KIF20B: variants seen among roughly 807,000 people sequenced by gnomAD.
KIF20B encodes the protein kinesin family member 20B.
A neutral mutation model predicts 232.5 loss-of-function variants in KIF20B; 188 were observed. The ratio of observed to expected loss-of-function variants is 0.81; its 90% CI spans 0.72 to 0.91. The LOEUF is 0.91. KIF20B is among the 40% of genes least tolerant of loss of function. The probability of loss-of-function intolerance (pLI) is 0.00; values close to 1 mark genes in which losing one functional copy is unlikely to be tolerated. For missense variants in KIF20B, 2,154 were observed against 2,055.9 expected (o/e 1.05, Z -0.92); for synonymous variants, 712 against 683.0 (o/e 1.04, Z -0.66).
intron 14 of KIF20B, 25 bp from the exon 15 acceptor site, chr10:89,724,995 A>C (rs756197639): frequency 6.2e-7 from 1 of 1,604,010 alleles, no homozygotes; most frequent in South Asian, 1.1e-5. Flanking sequence ...TCTGTTTCTT[A>C]ATGGGATTAA....
Position 89,725,047 on chromosome 10 carries a change from A to T in KIF20B, c.1890A>T (p.Ile630=). ...FKETLLQERE[I]LEENAERRLA... The stretch of plus-strand genomic sequence containing the variant: ...AGACTCTGCTTCAAGAACGAGAGAT[A>T]TTAGAAGAAAATGCTGAACGTCGTT... Residue 630 remains isoleucine (I), a synonymous_variant, in exon 15 of 33, where the codon ATA becomes ATT. Coordinates refer to ENST00000371728, the MANE Select transcript of KIF20B (RefSeq NM_001284259.2). 6.2e-7 allele frequency: 1 copy of T among 1,613,808 alleles called. No homozygotes were observed. The highest frequency in any genetic ancestry group is 1.7e-4 in the Middle Eastern group (1 of 6,060).
intron 24 of KIF20B, 87 bp downstream of exon 24, chr10:89,751,558 C>A: frequency 2.4e-6 from 3 of 1,258,544 alleles, no homozygotes; most frequent in Non-Finnish European, 3.3e-6. Flanking sequence ...TAAAGTAGTA[C>A]GTATTTTCAG....
At chr10:89,735,436 A>T (rs188610975) in intron 19 of KIF20B, among the ~76,000 whole-genome samples, 48 of 152,114 alleles carry the variant, frequency 3.2e-4, no homozygotes, top group Non-Finnish European at 5.9e-4. Context: ...AAATATAAAG[A>T]GCTGAGATGC....
At chr10:89,713,891 A>G (rs554244306) in intron 6 of KIF20B, among the ~76,000 whole-genome samples, 156 bp from the exon 7 acceptor site, 47 of 144,418 alleles carry the variant, frequency 3.3e-4, no homozygotes, top group Non-Finnish European at 5.8e-4. Flanking sequence ...CCATGAAACT[A>G]TATTATTTAA....
chr10:89,760,296 A>G (rs1401466692), intron 27 of KIF20B, among the ~76,000 whole-genome samples: 1 of 152,148 alleles, frequency 6.6e-6, no homozygotes, highest in Non-Finnish European at 1.5e-5. Flanking sequence ...CAGTCTTTCA[A>G]ATTTCTCCTT....
intron 29 of KIF20B, chr10:89,766,308 A>G: frequency 6.5e-6 from 1 of 153,036 alleles, no homozygotes; most frequent in Non-Finnish European, 1.5e-5. Flanking sequence ...CCTCACCAGC[A>G]ATGGAACAAA....
chr10:89,738,687 A>T (rs1841725489), intron 20 of KIF20B, 70 bp downstream of exon 20: 1 of 1,459,406 alleles, frequency 6.9e-7, no homozygotes, highest in Non-Finnish European at 9.0e-7. Context: ...GCTTTAAAAA[A>T]GTTAGATAGT....
chr10:89,721,607 C>A (rs1843059072), intron 13 of KIF20B, among the ~76,000 whole-genome samples: 1 of 151,986 alleles, frequency 6.6e-6, no homozygotes, highest in Admixed American at 6.5e-5. Context: ...GATTTCTAGG[C>A]AGCAGTGAGC....
At chr10:89,719,767 C>A in intron 13 of KIF20B, 61 bp downstream of exon 13, 1 of 1,324,498 alleles carries the variant, frequency 7.6e-7, no homozygotes, top group Non-Finnish European at 1.0e-6. Flanking sequence ...AAGGTTAAAT[C>A]TTAAGGCTCT....
At position 89,725,072 on chromosome 10, in the gene KIF20B, T is replaced by G. The variant is rs767823064; in HGVS notation, c.1915T>G (p.Leu639Val). 2.5e-6 allele frequency: 4 copies of G among 1,613,924 alleles called. No individual in the cohort carries two copies. Among genetic ancestry groups the G allele is most frequent in the Non-Finnish European group, 2.5e-6 (3 of 1,179,866 alleles). ...ATTAGAAGAAAATGCTGAACGTCGT[T>G]TGGCTATCTTCAAGGATTTGGTTGG... ...EILEENAERRLAIFKDLVGKC... is the reference protein window; with the variant it reads ...EILEENAERRVAIFKDLVGKC... The change falls in exon 15 of 33, where the codon TTG becomes GTG. Residue 639 changes from leucine (L) to valine (V), a missense_variant. Transcript: ENST00000371728.
chr10:89,757,974 C>A (rs902438635), intron 26 of KIF20B, among the ~76,000 whole-genome samples: 2 of 151,554 alleles, frequency 1.3e-5, no homozygotes, highest in African/African-American at 2.4e-5. Context: ...CCATTGATTT[C>A]TCTGTCTTTA....
At chr10:89,740,031 G>A (rs1456738567) in intron 21 of KIF20B, among the ~76,000 whole-genome samples, 1 of 151,984 alleles carries the variant, frequency 6.6e-6, no homozygotes, top group East Asian at 1.9e-4. Context: ...TCTTCTATAT[G>A]CTCTTGGTAC....
rs749250367 is a variant in KIF20B at position 89,738,060 on chromosome 10, A to G, written c.3219A>G (p.Lys1073=). 1 of 1,613,418 alleles carries G rather than the reference A, an allele frequency of 6.2e-7. No individual in the cohort carries two copies. The highest frequency in any genetic ancestry group is 8.5e-7 in the Non-Finnish European group (1 of 1,179,682). Residue 1073 remains lysine, a synonymous_variant, in exon 20 of 33, where the codon AAA becomes AAG. Transcript: ENST00000371728. ...ECKEIVKASS[K]KSHQIEELEQ... ...AAGAGATTGTGAAGGCCTCTTCCAA[A>G]AAAAGTCATCAGATTGAGGAACTGG...
chr10:89,726,082 A>G (rs1843181401), intron 15 of KIF20B, among the ~76,000 whole-genome samples: 1 of 152,324 alleles, frequency 6.6e-6, no homozygotes, highest in Non-Finnish European at 1.5e-5. Flanking sequence ...CATTGTTTTT[A>G]TGCGAAAATA....
At chr10:89,721,196 C>T (rs1266424220) in intron 13 of KIF20B, among the ~76,000 whole-genome samples, 4 of 152,152 alleles carry the variant, frequency 2.6e-5, no homozygotes, top group African/African-American at 9.7e-5. Flanking sequence ...TAAATACTCT[C>T]ATTTTAATAA....
chr10:89,724,114 TATTTC>T lies in KIF20B; in HGVS notation c.1862+14_1862+18del. 1 of 1,470,362 alleles carries T rather than the reference TATTTC, an allele frequency of 6.8e-7. No individual in the cohort carries two copies. The highest frequency in any genetic ancestry group is 9.0e-7 in the Non-Finnish European group (1 of 1,113,352). The allele number at this position is 1,470,362 out of a possible 1,614,324, so 91.1% of individuals were successfully genotyped here. On this transcript the variant is annotated intron_variant, in intron 14 of 32. Transcript: ENST00000371728. Reference sequence around the variant, plus strand: ...GGAAGCTGACTTTAAGTAAGTTATTTATTTCATGTCCAGGTAAAAATTGAGAATTT... The same window carrying T: ...GGAAGCTGACTTTAAGTAAGTTATTTATGTCCAGGTAAAAATTGAGAATTT...
At chr10:89,724,996 A>G in intron 14 of KIF20B, 24 bp from the exon 15 acceptor site, 1 of 1,604,776 alleles carries the variant, frequency 6.2e-7, no homozygotes, top group Non-Finnish European at 8.5e-7. Context: ...CTGTTTCTTA[A>G]TGGGATTAAT....
intron 20 of KIF20B, 151 bp from the exon 21 acceptor site, chr10:89,738,807 A>G (rs1169292124): frequency 3.5e-6 from 4 of 1,138,296 alleles, no homozygotes; most frequent in Non-Finnish European, 4.8e-6. Context: ...TATAAAAATC[A>G]TATGAAATAT....
intron 23 of KIF20B, among the ~76,000 whole-genome samples, chr10:89,749,838 G>A (rs959563591): frequency 2.0e-5 from 3 of 152,126 alleles, no homozygotes; most frequent in Non-Finnish European, 2.9e-5. Flanking sequence ...ACATTTATAT[G>A]CAAGTTTTTG....
Sources: allele counts gnomAD v4.1 joint callset (sites outside exome capture counted in the v4.1 genomes callset), GRCh38; gene constraint gnomAD v4.1.1; transcripts MANE v1.5; gene names NCBI Gene and HGNC (gene_info 2026-07-23, HGNC 2026-07-21).